Variants in AMPH observed in about 807,000 individuals in gnomAD.
AMPH encodes amphiphysin (Stiff-Mann syndrome with breast cancer 128kD autoantigen).
In AMPH, 49 loss-of-function variants were observed where a neutral mutation model predicts 99.1. The observed-to-expected ratio is 0.49, with a 90% CI of 0.39 to 0.63. The LOEUF (loss-of-function observed/expected upper bound fraction) is 0.63. AMPH is among the 20% of genes least tolerant of loss of function. The pLI, the probability that AMPH is intolerant of heterozygous loss-of-function variation, is 0.00. For missense variants in AMPH, 759 were observed against 863.4 expected (o/e 0.88, Z 1.52); for synonymous variants, 314 against 317.3 (o/e 0.99, Z 0.11).
chr7:38,490,033 G>T (rs1788662283), intron 5 of AMPH, among the ~76,000 whole-genome samples: 1 of 152,124 alleles, frequency 6.6e-6, no homozygotes, highest in Admixed American at 6.5e-5. Flanking sequence ...ACTCTGAAGT[G>T]ATTACTATTG....
At chr7:38,559,802 C>T (rs73364842) in intron 1 of AMPH, among the ~76,000 whole-genome samples, 2,009 of 152,274 alleles carry the variant, frequency 0.013, 40 homozygotes, top group African/African-American at 0.045. Flanking sequence ...TTTCGATAAC[C>T]TATTCCTGCT....
At chr7:38,586,343 A>T (rs895527513) in intron 1 of AMPH, among the ~76,000 whole-genome samples, 4 of 152,238 alleles carry the variant, frequency 2.6e-5, no homozygotes, top group African/African-American at 9.6e-5. Context: ...GAGCAAAACA[A>T]GCCTTCTGTC....
intron 1 of AMPH, among the ~76,000 whole-genome samples, chr7:38,610,301 G>A (rs1224655142): frequency 6.2e-3 from 47 of 7,594 alleles, no homozygotes; most frequent in Middle Eastern, 0.077. Flanking sequence ...AGAAAGAAAA[G>A]AAAAGAAAAG....
In AMPH at chr7:38,463,015, G is replaced by A; in HGVS notation, c.848C>T (p.Pro283Leu). ...AGGCCGTGCTGGTGCGGGAGACGCA[G>A]GTGCTAATGTATGATTTGGACTTGC... Reference protein sequence around the residue: ...PTASPNHTLAPASPAPARPRS... With the variant: ...PTASPNHTLALASPAPARPRS... The change falls in exon 10 of 21, where the codon CCT becomes CTT. Residue 283 changes from proline to leucine, a missense_variant. Physicochemically the swap from Pro to Leu is moderately conservative, Grantham distance 98 (BLOSUM62 -3). Coordinates refer to ENST00000356264, the MANE Select transcript of AMPH (RefSeq NM_001635.4). 1 of 1,605,194 alleles carries A rather than the reference G, an allele frequency of 6.2e-7. No individual in the cohort carries two copies. The highest frequency in any genetic ancestry group is 8.5e-7 in the Non-Finnish European group (1 of 1,175,860).
intron 1 of AMPH, among the ~76,000 whole-genome samples, chr7:38,627,387 C>CAAAAAAAAAAAAAAAAAAAAAA (rs70977419): frequency 3.4e-5 from 4 of 116,908 alleles, no homozygotes; most frequent in African/African-American, 6.9e-5. Flanking sequence ...ACTAAAAATA[C>CAAAAAAAAAAAAAAAAAAAAAA]AAAAAAAAAA....
intron 1 of AMPH, among the ~76,000 whole-genome samples, chr7:38,547,098 T>C (rs192435729): frequency 6.6e-6 from 1 of 152,272 alleles, no homozygotes; most frequent in African/African-American, 2.4e-5. Context: ...CCCCTTGCCT[T>C]TCAGGTGGCC....
intron 1 of AMPH, among the ~76,000 whole-genome samples, chr7:38,562,607 T>C (rs1190040379): frequency 6.6e-6 from 1 of 151,336 alleles, no homozygotes; most frequent in Non-Finnish European, 1.5e-5. Context: ...TGAGGCAATA[T>C]TGGGATTGTA....
intron 1 of AMPH, among the ~76,000 whole-genome samples, chr7:38,609,962 C>T (rs979390159): frequency 1.3e-5 from 2 of 151,786 alleles, no homozygotes; most frequent in Non-Finnish European, 2.9e-5. Flanking sequence ...AACGGTGGCT[C>T]ATGCCTGTAA....
In AMPH at chr7:38,627,082, T is replaced by G. The variant is rs1284402572; in HGVS notation, c.69+4201A>C. Among the ~76,000 whole-genome samples the G allele has an allele frequency of 3.3e-5, 5 of 152,156 alleles. No homozygotes were observed. The East Asian group carries it at 9.7e-4, about 29-fold the overall frequency. On this transcript the variant is annotated intron_variant, in intron 1 of 20. Transcript: ENST00000356264. ...CCTCCTCCACTAAGAGTCCATATCG[T>G]TCAGGGGAATCTTCATTCCTGGCTT...
chr7:38,459,013 G>C (rs1178103185), intron 11 of AMPH, among the ~76,000 whole-genome samples: 1 of 151,978 alleles, frequency 6.6e-6, no homozygotes, highest in Non-Finnish European at 1.5e-5. Context: ...TGATAAATAA[G>C]TTCAGTAAAG....
At chr7:38,620,083 A>G (rs770208827) in intron 1 of AMPH, among the ~76,000 whole-genome samples, 3 of 151,816 alleles carry the variant, frequency 2.0e-5, no homozygotes, top group Non-Finnish European at 4.4e-5. Flanking sequence ...CAGATAGAGG[A>G]AAAGATTGTC....
rs1584032265 is a variant in AMPH at position 38,394,096 on chromosome 7, C to G, written c.1517G>C (p.Ser506Thr). Residue 506 changes from serine (S) to threonine (T), a missense_variant, in exon 18 of 21, where the codon AGT becomes ACT. Coordinates refer to ENST00000356264, the MANE Select transcript of AMPH (RefSeq NM_001635.4). The stretch of plus-strand genomic sequence containing the variant: ...AGTTCCAATTTTGGCCTCCTCTAAA[C>G]TTACTCCTTCCCCGGCAGGGACAGT... ...KATVPAGEGV[S>T]LEEAKIGTET... The G allele has an allele frequency of 6.2e-7, 1 of 1,614,192 alleles. No homozygotes were observed. Among genetic ancestry groups the G allele is most frequent in the East Asian group, 2.2e-5 (1 of 44,876 alleles).
At chr7:38,399,065 A>G (rs981138108) in intron 17 of AMPH, among the ~76,000 whole-genome samples, 4 of 152,226 alleles carry the variant, frequency 2.6e-5, no homozygotes, top group Non-Finnish European at 4.4e-5. Flanking sequence ...TCAGGAAAAT[A>G]CCGAAATTAA....
rs533328930 is a variant in AMPH at position 38,494,351 on chromosome 7, G to A, written c.300+82C>T. 1.4e-4 allele frequency: 162 copies of A among 1,151,588 alleles called. No individual in the cohort carries two copies. In the African/African-American group the frequency reaches 2.1e-3, roughly 15 times the overall value. The allele number at this position is 1,151,588 out of a possible 1,614,324, so 71.3% of individuals were successfully genotyped here. ...ACTGTCTTGCCTCATGATTAAGACT[G>A]TGAAGTGGAAAGAGCAAGTCAGGGG... On this transcript the variant is annotated intron_variant, in intron 4 of 20. Transcript: ENST00000356264.
chr7:38,521,085 A>ACT (rs1305450534), intron 2 of AMPH, among the ~76,000 whole-genome samples: 5 of 152,050 alleles, frequency 3.3e-5, no homozygotes, highest in African/African-American at 1.2e-4. Flanking sequence ...CCCAAAGCAA[A>ACT]CTCTAGGTAC....
intron 11 of AMPH, among the ~76,000 whole-genome samples, chr7:38,455,004 G>A (rs1369020935): frequency 1.3e-5 from 2 of 152,088 alleles, no homozygotes; most frequent in African/African-American, 4.8e-5. Context: ...CAGTGATTTG[G>A]GAAGACTAAA....
At chr7:38,449,266 C>T (rs773490445) in intron 11 of AMPH, among the ~76,000 whole-genome samples, 1 of 152,158 alleles carries the variant, frequency 6.6e-6, no homozygotes, top group Non-Finnish European at 1.5e-5. Flanking sequence ...ACTGAATGCC[C>T]GGTACTGCTC....
At chr7:38,427,955 AGT>A (rs778778281) in intron 14 of AMPH, 5 of 456,698 alleles carry the variant, frequency 1.1e-5, no homozygotes, top group South Asian at 7.7e-5. Flanking sequence ...CAGAACTCTC[AGT>A]GCTAGCATTC....
intron 8 of AMPH, 38 bp from the exon 9 acceptor site, chr7:38,465,587 T>C: frequency 2.0e-6 from 3 of 1,533,338 alleles, no homozygotes; most frequent in South Asian, 2.4e-5. Flanking sequence ...TAGTCACATG[T>C]CATTCTGGTG....
Sources: gnomAD v4.1 joint callset for allele counts (sites outside exome capture counted in the v4.1 genomes callset) on GRCh38, gnomAD v4.1.1 for gene constraint, MANE v1.5 for transcripts, NCBI Gene and HGNC (gene_info 2026-07-23, HGNC 2026-07-21) for gene names.